The following TRDN variants were observed in gnomAD, a reference collection of about 807,000 sequenced individuals.
TRDN encodes the protein triadin in skeletal muscle.
A neutral mutation model predicts 149.7 loss-of-function variants in TRDN; 161 were observed. The observed-to-expected ratio is 1.08, with a 90% CI of 0.95 to 1.23. The LOEUF (loss-of-function observed/expected upper bound fraction) is 1.23, where lower values mean the gene tolerates loss of function less well. Among genes scored for constraint, TRDN ranks in the 50% most tolerant of loss-of-function variants. TRDN has a pLI of 0.00. For synonymous variants in TRDN, 294 were observed against 250.5 expected, an observed-to-expected ratio of 1.17 and a Z score of -1.64; for missense variants, 896 against 823.5, an observed-to-expected ratio of 1.09 and a Z score of -1.08.
chr6:123,603,915 ATAATG>A, intron 1 of TRDN, among the ~76,000 whole-genome samples: 1 of 152,302 alleles, frequency 6.6e-6, no homozygotes, highest in South Asian at 2.1e-4. Context: ...ATCAGTTCCA[ATAATG>A]TACTCACCCC....
rs1254777827 is a variant in TRDN at position 123,337,609 on chromosome 6, ACT to A, written c.1420+8_1420+9del. Reference sequence around the variant, plus strand: ...AAATTTGTAATATTATATTAAATTAACTCTGTTACCTTTATCTTTCAGAATTG... The same window carrying A: ...AAATTTGTAATATTATATTAAATTAACTGTTACCTTTATCTTTCAGAATTG... On this transcript the variant is annotated splice_region_variant and intron_variant, in intron 22 of 40. Transcript: ENST00000334268. 7.8e-7 allele frequency: 1 copy of A among 1,289,572 alleles called. No homozygotes were observed. Among genetic ancestry groups the A allele is most frequent in the East Asian group, 2.8e-5 (1 of 36,300 alleles). The allele number at this position is 1,289,572 out of a possible 1,614,324, so 79.9% of individuals were successfully genotyped here.
Position 123,529,726 on chromosome 6 carries a change from G to A in TRDN, c.484+780C>T, listed in dbSNP as rs181880202. Among the ~76,000 whole-genome samples, 6 of 152,034 alleles carry A rather than the reference G, an allele frequency of 3.9e-5. No homozygotes were observed. The East Asian group carries it at 5.8e-4, about 15-fold the overall frequency. ...AAATAAATTATCTCATTTTCTGTCT[G>A]CATTATACAAATATAGTTATTATGA... On this transcript the variant is annotated intron_variant, in intron 5 of 40. Coordinates refer to ENST00000334268, the MANE Select transcript of TRDN (RefSeq NM_006073.4).
chr6:123,427,279 TG>T (rs1312024501), intron 12 of TRDN, among the ~76,000 whole-genome samples: 1 of 151,464 alleles, frequency 6.6e-6, no homozygotes, highest in Non-Finnish European at 1.5e-5. Flanking sequence ...CCACGCCTTT[TG>T]TTTTTTTTTT....
chr6:123,393,362 A>G (rs1275614751), intron 13 of TRDN, among the ~76,000 whole-genome samples: 1 of 152,096 alleles, frequency 6.6e-6, no homozygotes, highest in Non-Finnish European at 1.5e-5. Context: ...AAATATACAT[A>G]AAGCTCAAAT....
intron 2 of TRDN, among the ~76,000 whole-genome samples, chr6:123,562,208 C>G (rs202052077): frequency 1.3e-5 from 2 of 152,138 alleles, no homozygotes; most frequent in African/African-American, 2.4e-5. Flanking sequence ...TTTACCTACC[C>G]GAATCTTATA....
chr6:123,363,507 T>C (rs747442952), intron 20 of TRDN, among the ~76,000 whole-genome samples: 1 of 152,200 alleles, frequency 6.6e-6, no homozygotes. Context: ...AAACTCAATA[T>C]GTAGAATTAT....
chr6:123,352,331 T>C (rs1780491560), intron 21 of TRDN: 1 of 984,996 alleles, frequency 1.0e-6, no homozygotes, highest in Admixed American at 6.2e-5. Context: ...TGTTCGGAAC[T>C]GATATTCAAA....
At chr6:123,251,251 G>A (rs977933501) in intron 38 of TRDN, among the ~76,000 whole-genome samples, 1 of 151,938 alleles carries the variant, frequency 6.6e-6, no homozygotes, top group African/African-American at 2.4e-5. Flanking sequence ...ATATTTTAAT[G>A]GTTCCTTTTT....
intron 12 of TRDN, among the ~76,000 whole-genome samples, chr6:123,401,719 T>G (rs1048753642): frequency 6.6e-6 from 1 of 152,002 alleles, no homozygotes; most frequent in Non-Finnish European, 1.5e-5. Flanking sequence ...CCAAGGTAGG[T>G]GGATCACCTG....
At chr6:123,292,101 G>C (rs12660730) in intron 24 of TRDN, among the ~76,000 whole-genome samples, 69,138 of 151,992 alleles carry the variant, frequency 0.45, 16,573 homozygotes, top group Middle Eastern at 0.58. Context: ...CATTCCCTTC[G>C]GCCCATGGAT....
At chr6:123,446,271 G>T (rs1775346134) in intron 10 of TRDN, among the ~76,000 whole-genome samples, 1 of 151,930 alleles carries the variant, frequency 6.6e-6, no homozygotes, top group African/African-American at 2.4e-5. Flanking sequence ...AGCATTGGGA[G>T]ATATACCTAA....
intron 1 of TRDN, among the ~76,000 whole-genome samples, chr6:123,591,870 A>T (rs1421742941): frequency 1.3e-5 from 2 of 152,230 alleles, no homozygotes; most frequent in African/African-American, 4.8e-5. Context: ...GTAAACACAA[A>T]TAATACTTTA....
chr6:123,387,212 T>A (rs1781938268), intron 14 of TRDN, among the ~76,000 whole-genome samples: 1 of 152,138 alleles, frequency 6.6e-6, no homozygotes, highest in Admixed American at 6.5e-5. Flanking sequence ...TCCTTTAAAA[T>A]CTTAACTATT....
Position 123,503,690 on chromosome 6 carries a change from TC to T in TRDN, c.793+28del, listed in dbSNP as rs527326549. 2.4e-5 allele frequency: 38 copies of T among 1,613,108 alleles called. No individual in the cohort carries two copies. The South Asian group carries it at 4.2e-4, about 18-fold the overall frequency. The stretch of plus-strand genomic sequence containing the variant: ...TCTTGCCCAATATTCTCTTAGAACC[TC>T]CGGCAGCCTCCTGCTCTGAATGTTT... On this transcript the variant is annotated intron_variant, in intron 8 of 40. Transcript: ENST00000334268.
intron 19 of TRDN, among the ~76,000 whole-genome samples, chr6:123,367,236 T>A (rs557226471): frequency 4.5e-4 from 69 of 152,268 alleles, no homozygotes; most frequent in African/African-American, 1.6e-3. Flanking sequence ...AGCTCGTGAA[T>A]TTTCACGAAG....
intron 24 of TRDN, among the ~76,000 whole-genome samples, chr6:123,296,975 G>C (rs752048609): frequency 3.3e-5 from 5 of 152,064 alleles, no homozygotes; most frequent in Non-Finnish European, 7.4e-5. Context: ...ATAAGAAGTA[G>C]AAATATTATT....
intron 1 of TRDN, among the ~76,000 whole-genome samples, chr6:123,582,674 C>A (rs1783190747): frequency 6.6e-6 from 1 of 152,128 alleles, no homozygotes; most frequent in Non-Finnish European, 1.5e-5. Flanking sequence ...AACCCGCGAT[C>A]TGGATGTGTA....
At chr6:123,539,438 A>C (rs1443204181) in intron 4 of TRDN, among the ~76,000 whole-genome samples, 1 of 152,218 alleles carries the variant, frequency 6.6e-6, no homozygotes, top group Non-Finnish European at 1.5e-5. Flanking sequence ...TAATCATAGA[A>C]TCGTAAAATA....
intron 16 of TRDN, 127 bp from the exon 17 acceptor site, chr6:123,378,025 CT>C: frequency 1.7e-6 from 1 of 600,094 alleles, no homozygotes; most frequent in Non-Finnish European, 2.8e-6. Context: ...CTAATAATGG[CT>C]TACATAAAAA....
Sources: allele counts gnomAD v4.1 joint callset (sites outside exome capture counted in the v4.1 genomes callset), GRCh38; gene constraint gnomAD v4.1.1; transcripts MANE v1.5; gene names NCBI Gene and HGNC (gene_info 2026-07-23, HGNC 2026-07-21).